NECTIN4: variants seen among roughly 807,000 people sequenced by gnomAD.
NECTIN4 encodes the protein nectin-4.
Under a neutral mutation model 51.7 loss-of-function variants are expected in NECTIN4, and 19 were observed. The ratio of observed to expected loss-of-function variants is 0.37; its 90% CI spans 0.26 to 0.54. The LOEUF (loss-of-function observed/expected upper bound fraction) is 0.54, where lower values mean the gene tolerates loss of function less well. Among genes scored for constraint, NECTIN4 ranks in the 20% least tolerant of loss-of-function variants. The probability of loss-of-function intolerance (pLI) is 0.86; values close to 1 mark genes in which losing one functional copy is unlikely to be tolerated. For synonymous variants in NECTIN4, 283 were observed against 286.9 expected (o/e 0.99, Z 0.14); for missense variants, 619 against 662.4 (o/e 0.93, Z 0.72).
chr1:161,082,270 G>C (rs1653713477), intron 1 of NECTIN4, among the ~76,000 whole-genome samples: 1 of 152,120 alleles, frequency 6.6e-6, no homozygotes, highest in Non-Finnish European at 1.5e-5. Context: ...GGAGGTTGCA[G>C]TGAGCTAAGA....
chr1:161,087,822 C>T (rs1270023613), intron 1 of NECTIN4, among the ~76,000 whole-genome samples: 1 of 152,030 alleles, frequency 6.6e-6, no homozygotes, highest in Non-Finnish European at 1.5e-5. Flanking sequence ...ATCTCACTTG[C>T]CTATCTCTCT....
rs1255732768 is a variant in NECTIN4 at position 161,089,186 on chromosome 1, G to A, written c.79+32C>T. 5 of 1,607,294 alleles carry A rather than the reference G, an allele frequency of 3.1e-6. No individual in the cohort carries two copies. Among genetic ancestry groups the A allele is most frequent in the Non-Finnish European group, 3.4e-6 (4 of 1,174,896 alleles). ...TGTCAGTGCCAGGTTGGGCTCAGAA[G>A]CAAGTGTCCTGATGGTTCAGGCAAG... On this transcript the variant is annotated intron_variant, in intron 1 of 8. Transcript: ENST00000368012. The surrounding 1 kb of genome is among the most constrained non-coding windows in gnomAD (Gnocchi z 4.1).
chr1:161,084,977 G>A (rs1653867746), intron 1 of NECTIN4: 3 of 151,590 alleles, frequency 2.0e-5, no homozygotes, highest in Admixed American at 2.0e-4. Context: ...GGGTGAGTCT[G>A]GGGTGAGAAA....
Position 161,076,489 on chromosome 1 carries a change from T to C in NECTIN4, c.731-14A>G. 6.2e-7 allele frequency: 1 copy of C among 1,613,820 alleles called. No individual in the cohort carries two copies. The highest frequency in any genetic ancestry group is 8.5e-7 in the Non-Finnish European group (1 of 1,179,976). ...CCTCAGCAAGGACTGGAATGGGAAGTGGGAGGAGAAAGAATGGGAATGATG... is the reference window on the plus strand; with the variant it reads ...CCTCAGCAAGGACTGGAATGGGAAGCGGGAGGAGAAAGAATGGGAATGATG... On this transcript the variant is annotated splice_polypyrimidine_tract_variant and intron_variant, in intron 3 of 8. Coordinates refer to ENST00000368012, the MANE Select transcript of NECTIN4 (RefSeq NM_030916.3).
In NECTIN4 at chr1:161,079,669, C is replaced by T. The variant is rs769835493; in HGVS notation, c.360G>A (p.Ala120=). The T allele has an allele frequency of 1.2e-6, 2 of 1,606,774 alleles. No homozygotes were observed. The highest frequency in any genetic ancestry group is 1.7e-6 in the Non-Finnish European group (2 of 1,179,660). ...CCCGGCACTCGTACTCGCCCTCATC[C>T]GCCTGCACTGCGTTGCGCAGGAGCA... ...GSVLLRNAVQ[A]DEGEYECRVS... Residue 120 remains alanine, a synonymous_variant, in exon 2 of 9, where the codon GCG becomes GCA. Transcript: ENST00000368012.
At chr1:161,081,325 T>C (rs755470689) in intron 1 of NECTIN4, among the ~76,000 whole-genome samples, 14 of 149,780 alleles carry the variant, frequency 9.3e-5, no homozygotes, top group Non-Finnish European at 1.8e-4. Flanking sequence ...AGGCTGCAGC[T>C]GCAGCCTGGG....
At chr1:161,079,007 G>A (rs769245316) in intron 2 of NECTIN4, among the ~76,000 whole-genome samples, 22 of 152,230 alleles carry the variant, frequency 1.4e-4, no homozygotes, top group Non-Finnish European at 2.6e-4. Context: ...GCGAGACTCT[G>A]TCTCAAAAAA....
In NECTIN4 at chr1:161,089,487, C is replaced by T. The variant is rs1312791430; in HGVS notation, c.-191G>A. The T allele has an allele frequency of 3.2e-6, 2 of 620,260 alleles. No homozygotes were observed. 38.4% of individuals were successfully genotyped at this position (620,260 alleles called of 1,614,324 possible). ...TTCTACACACCCAGCCGTAGCTACC[C>T]CCAAGAAGCCGTGATCGGGAGCTCC... On this transcript the variant is annotated 5_prime_UTR_variant, in exon 1 of 9. Coordinates refer to ENST00000368012, the MANE Select transcript of NECTIN4 (RefSeq NM_030916.3). The surrounding 1 kb of genome is among the most constrained non-coding windows in gnomAD (Gnocchi z 4.1).
chr1:161,087,164 A>T (rs528708068), intron 1 of NECTIN4: 6 of 152,286 alleles, frequency 3.9e-5, no homozygotes, highest in South Asian at 2.1e-4. Context: ...GGGAGCCATT[A>T]AGGAGAGTCT....
At chr1:161,084,077 GAGTA>G (rs1379812007) in intron 1 of NECTIN4, among the ~76,000 whole-genome samples, 1 of 152,226 alleles carries the variant, frequency 6.6e-6, no homozygotes, top group Admixed American at 6.5e-5. Flanking sequence ...AGGAGGAAGG[GAGTA>G]AGTATGAGTT....
chr1:161,078,096 C>T (rs1653501586), intron 2 of NECTIN4, among the ~76,000 whole-genome samples: 1 of 152,054 alleles, frequency 6.6e-6, no homozygotes, highest in South Asian at 2.1e-4. Context: ...TGTCAACAAA[C>T]AGTGAGTTAG....
intron 1 of NECTIN4, among the ~76,000 whole-genome samples, chr1:161,085,959 A>C (rs1402992854): frequency 3.3e-5 from 5 of 152,212 alleles, no homozygotes; most frequent in Non-Finnish European, 7.3e-5. Context: ...TGCTGGGATT[A>C]TAGGCGTGAG....
Position 161,089,503 on chromosome 1 carries a change from C to G in NECTIN4, c.-207G>C. 3.3e-6 allele frequency: 2 copies of G among 600,056 alleles called. No homozygotes were observed. The highest frequency in any genetic ancestry group is 1.9e-5 in the South Asian group (1 of 52,504). The allele number at this position is 600,056 out of a possible 1,614,324, so 37.2% of individuals were successfully genotyped here. A position where few individuals can be genotyped will look rare whatever the true frequency, so the allele number is the denominator to read the frequency against. On this transcript the variant is annotated 5_prime_UTR_variant, in exon 1 of 9. Coordinates refer to ENST00000368012, the MANE Select transcript of NECTIN4 (RefSeq NM_030916.3). This position sits in a 1 kb window ranked among gnomAD's most constrained non-coding sequence, Gnocchi z 4.1. ...GTAGCTACCCCCAAGAAGCCGTGAT[C>G]GGGAGCTCCGAGCTCCCCCAGAGCT... is the stretch of plus-strand genomic sequence containing the variant.
At chr1:161,080,083 T>A in intron 1 of NECTIN4, 134 bp from the exon 2 acceptor site, 1 of 1,077,948 alleles carries the variant, frequency 9.3e-7, no homozygotes, top group South Asian at 1.7e-5. Context: ...ATTCAGTTCA[T>A]TACCTTATTA....
chr1:161,089,351 A>T lies in NECTIN4; in HGVS notation c.-55T>A. 1 of 1,516,718 alleles carries T rather than the reference A, an allele frequency of 6.6e-7. No individual in the cohort carries two copies. The highest frequency in any genetic ancestry group is 1.1e-5 in the South Asian group (1 of 89,224). 94.0% of individuals were successfully genotyped at this position (1,516,718 alleles called of 1,614,324 possible). A position where few individuals can be genotyped will look rare whatever the true frequency, so the allele number is the denominator to read the frequency against. ...GAAGTTCCACCGAGATCTCCCTGGG[A>T]GCCGGCTGCAGACTTGAATAAGGAA... On this transcript the variant is annotated 5_prime_UTR_variant, in exon 1 of 9. Transcript: ENST00000368012. This position sits in a 1 kb window ranked among gnomAD's most constrained non-coding sequence, Gnocchi z 4.1.
chr1:161,083,927 G>C (rs1394840900), intron 1 of NECTIN4, among the ~76,000 whole-genome samples: 1 of 152,220 alleles, frequency 6.6e-6, no homozygotes, highest in Non-Finnish European at 1.5e-5. Flanking sequence ...GGAAACTGAG[G>C]CTGGCACTTG....
chr1:161,076,145 T>C (rs2101661005), intron 4 of NECTIN4, among the ~76,000 whole-genome samples: 1 of 152,318 alleles, frequency 6.6e-6, no homozygotes, highest in Middle Eastern at 3.4e-3. Flanking sequence ...CTAATGACCA[T>C]GTATCTTAGA....
rs750056815 is a variant in NECTIN4 at position 161,077,611 on chromosome 1, G to A, written c.572C>T (p.Thr191Met). 5.7e-5 allele frequency: 92 copies of A among 1,613,818 alleles called. No individual in the cohort carries two copies. The highest frequency in any genetic ancestry group is 4.6e-4 in the South Asian group (42 of 91,086). Residue 191 changes from threonine to methionine, a missense_variant, in exon 3 of 9, where the codon ACG becomes ATG. Physicochemically the swap from Thr to Met is moderately conservative, Grantham distance 81. Transcript: ENST00000368012. The stretch of plus-strand genomic sequence containing the variant: ...GGAGTGCTTGAAGGAACGGCTGGAC[G>A]TTGTGCCTTTGACCTCCGTGTCCCA... The part of the protein sequence containing the change: ...VTWDTEVKGT[T>M]SSRSFKHSRS...
At chr1:161,083,389 C>T (rs900607550) in intron 1 of NECTIN4, among the ~76,000 whole-genome samples, 2 of 152,206 alleles carry the variant, frequency 1.3e-5, no homozygotes, top group Non-Finnish European at 2.9e-5. Context: ...GGACTGCCTC[C>T]TCCTTCTCTC....
Sources: allele counts gnomAD v4.1 joint callset (sites outside exome capture counted in the v4.1 genomes callset), GRCh38; gene constraint gnomAD v4.1.1; non-coding constraint Gnocchi (gnomAD v3.1); transcripts MANE v1.5; gene names NCBI Gene and HGNC (gene_info 2026-07-23, HGNC 2026-07-21).